The following CIB1 variants were observed in gnomAD, a reference collection of about 807,000 sequenced individuals.
CIB1 encodes calcium and integrin binding 1, also known as calcium and integrin-binding protein 1.
A neutral mutation model predicts 25.0 loss-of-function variants in CIB1; 19 were observed. That is an observed-to-expected ratio of 0.76 (90% confidence interval 0.53 to 1.12). The LOEUF (loss-of-function observed/expected upper bound fraction) is 1.12. Among genes scored for constraint, CIB1 ranks in the 50% most tolerant of loss-of-function variants. The probability of loss-of-function intolerance (pLI) is 0.00; values close to 1 mark genes in which losing one functional copy is unlikely to be tolerated. For missense variants in CIB1, 236 were observed against 242.6 expected, an observed-to-expected ratio of 0.97 and a Z score of 0.18; for synonymous variants, 104 against 98.5, an observed-to-expected ratio of 1.06 and a Z score of -0.33.
the CIB1 span, among the ~76,000 whole-genome samples, chr15:90,259,284 G>A: frequency 6.6e-6 from 1 of 152,180 alleles, no homozygotes; most frequent in Admixed American, 6.5e-5. Context: ...CAGCTACTCA[G>A]GAGGCTGAGG....
the CIB1 span, chr15:90,241,025 A>G: frequency 6.2e-7 from 1 of 1,614,024 alleles, no homozygotes; most frequent in South Asian, 1.1e-5. Context: ...TCATGGCAGA[A>G]GGGATTCAGT....
chr15:90,263,400 C>CTA, the CIB1 span: 1 of 504,538 alleles, frequency 2.0e-6, no homozygotes, highest in African/African-American at 1.9e-5. Context: ...AACTTGCTCT[C>CTA]TATATTCCTG....
chr15:90,251,415 C>T, the CIB1 span: 48 of 871,236 alleles, frequency 5.5e-5, no homozygotes, highest in African/African-American at 5.2e-4. Flanking sequence ...TGAGCCACCG[C>T]GCCCAGCCCA....
chr15:90,257,250 C>T, the CIB1 span: 17 of 1,613,786 alleles, frequency 1.1e-5, no homozygotes, highest in African/African-American at 4.0e-5. Context: ...TTTGCCACCA[C>T]GCCCTATATG....
the CIB1 span, chr15:90,262,859 C>A: frequency 1.5e-6 from 2 of 1,321,330 alleles, no homozygotes; most frequent in Non-Finnish European, 2.0e-6. Flanking sequence ...CTTCCTGGGT[C>A]AGGGAAGGGA....
the CIB1 span, among the ~76,000 whole-genome samples, chr15:90,246,544 T>C: frequency 1.3e-5 from 2 of 151,808 alleles, no homozygotes; most frequent in Admixed American, 1.3e-4. Flanking sequence ...CCAGCAGCAC[T>C]TTGGGAGACC....
the CIB1 span, chr15:90,262,269 G>C: frequency 1.7e-5 from 24 of 1,379,880 alleles, no homozygotes; most frequent in Non-Finnish European, 1.7e-5. Flanking sequence ...AGCAGGGAAA[G>C]AGGAAGCCAG....
chr15:90,241,724 G>T, the CIB1 span: 2 of 1,614,196 alleles, frequency 1.2e-6, no homozygotes, highest in East Asian at 2.2e-5. Flanking sequence ...TGATAAGCAG[G>T]GTATGTCGGG....
the CIB1 span, among the ~76,000 whole-genome samples, chr15:90,252,043 C>CTTTTTTTTTTTTTTTTTT: frequency 1.5e-5 from 2 of 133,472 alleles, no homozygotes; most frequent in African/African-American, 2.7e-5. Context: ...TCACCTAATT[C>CTTTTTTTTTTTTTTTTTT]TTTTTTTTTT....
At chr15:90,260,476 G>A in the CIB1 span, among the ~76,000 whole-genome samples, 6 of 152,256 alleles carry the variant, frequency 3.9e-5, no homozygotes, top group African/African-American at 1.2e-4. Context: ...CAGCCTGGAC[G>A]ATAGAGTGAG....
At chr15:90,263,555 C>A in the CIB1 span, 2 of 547,732 alleles carry the variant, frequency 3.7e-6, no homozygotes, top group African/African-American at 1.9e-5. Flanking sequence ...AAAGAGCTGC[C>A]GCTTTCACTA....
chr15:90,250,950 C>A, the CIB1 span: 2 of 1,566,316 alleles, frequency 1.3e-6, no homozygotes, highest in East Asian at 4.5e-5. Context: ...GGCCTCCCTT[C>A]AACATCTGGA....
chr15:90,236,498 C>T (rs1379564310), upstream of CIB1, among the ~76,000 whole-genome samples: 1 of 152,200 alleles, frequency 6.6e-6, no homozygotes, highest in South Asian at 2.1e-4. Context: ...GACCAGCCAG[C>T]AAGAACCTTT....
chr15:90,252,728 C>T, the CIB1 span, among the ~76,000 whole-genome samples: 1 of 152,106 alleles, frequency 6.6e-6, no homozygotes, highest in Admixed American at 6.6e-5. Flanking sequence ...AGCAGCTGGG[C>T]ACGGTGGCTC....
chr15:90,231,027 G>A lies in CIB1; in HGVS notation c.466-5C>T. The A allele has an allele frequency of 1.2e-6, 2 of 1,613,762 alleles. No homozygotes were observed. The highest frequency in any genetic ancestry group is 1.7e-6 in the Non-Finnish European group (2 of 1,179,776). ...AATGTCAGACTCCTCCAGGATCTGG[G>A]AAAGGGAGAGTTTCAGGCCAGAGCC... On this transcript the variant is annotated splice_region_variant and splice_polypyrimidine_tract_variant and intron_variant, in intron 5 of 6. Transcript: ENST00000328649.
chr15:90,251,681 G>A, the CIB1 span: 1 of 1,493,394 alleles, frequency 6.7e-7, no homozygotes, highest in Non-Finnish European at 9.3e-7. Context: ...CCCCCGATCA[G>A]GCTTCCAGCC....
At chr15:90,249,269 G>C in the CIB1 span, among the ~76,000 whole-genome samples, 2 of 147,738 alleles carry the variant, frequency 1.4e-5, no homozygotes, top group African/African-American at 5.0e-5. Context: ...ACAGCTATTT[G>C]TCCTCATTAT....
At chr15:90,237,449 C>T (rs112321922), upstream of CIB1, among the ~76,000 whole-genome samples, 5,061 of 151,546 alleles carry the variant, frequency 0.033, 297 homozygotes, top group African/African-American at 0.12. Flanking sequence ...CCACGCCCAG[C>T]TAATTTTTGT....
chr15:90,231,293 C>T (rs1224115511), intron 4 of CIB1, 64 bp downstream of exon 4: 3 of 1,608,086 alleles, frequency 1.9e-6, no homozygotes, highest in Non-Finnish European at 1.7e-6. Context: ...ATTTCCCAAG[C>T]AGGGCCACCA....
Sources: gnomAD v4.1 joint callset for allele counts (sites outside exome capture counted in the v4.1 genomes callset) on GRCh38, gnomAD v4.1.1 for gene constraint, MANE v1.5 for transcripts, NCBI Gene and HGNC (gene_info 2026-07-23, HGNC 2026-07-21) for gene names.